The following SIPA1L3 variants were observed in gnomAD, a reference collection of about 807,000 sequenced individuals.
The protein encoded by SIPA1L3 is signal-induced proliferation-associated 1-like protein 3.
SIPA1L3 carries 59 observed loss-of-function variants against 150.1 expected under a neutral mutation model. That is an observed-to-expected ratio of 0.39 (90% CI 0.32 to 0.49). The LOEUF (loss-of-function observed/expected upper bound fraction) is 0.49, where lower values mean the gene tolerates loss of function less well. Among genes scored for constraint, SIPA1L3 ranks in the 20% least tolerant of loss-of-function variants. SIPA1L3 has a pLI of 0.86. For missense variants in SIPA1L3, 2,211 were observed against 2,489.5 expected (o/e 0.89, Z 2.38); for synonymous variants, 1,070 against 1,077.6 (o/e 0.99, Z 0.14).
chr19:38,162,211 G>A, intron 13 of SIPA1L3, 42 bp from the exon 14 acceptor site: 1 of 1,527,252 alleles, frequency 6.5e-7, no homozygotes, highest in South Asian at 1.1e-5. Context: ...GCCCTGGCCT[G>A]AGTCACTCCT....
At chr19:37,944,882 G>A (rs189042755) in intron 1 of SIPA1L3, among the ~76,000 whole-genome samples, 2 of 152,154 alleles carry the variant, frequency 1.3e-5, no homozygotes, top group East Asian at 1.9e-4. Context: ...CCCTGGAGGC[G>A]GAGGTTGGAG....
At chr19:38,178,086 G>GGGGTGTGT (rs1555794899) in intron 15 of SIPA1L3, among the ~76,000 whole-genome samples, 1 of 130,950 alleles carries the variant, frequency 7.6e-6, no homozygotes, top group Non-Finnish European at 1.6e-5. Flanking sequence ...GCAGGCTTTT[G>GGGGTGTGT]GTGTGTGTGT....
chr19:38,193,512 C>T (rs753183753), intron 17 of SIPA1L3, 25 bp from the exon 18 acceptor site: 34 of 1,438,816 alleles, frequency 2.4e-5, no homozygotes, highest in Non-Finnish European at 3.1e-5. Flanking sequence ...GTGACCTCCC[C>T]CAACATCCCA....
At chr19:37,940,659 C>T (rs1476757040) in intron 1 of SIPA1L3, among the ~76,000 whole-genome samples, 1 of 152,160 alleles carries the variant, frequency 6.6e-6, no homozygotes, top group East Asian at 1.9e-4. Context: ...CAGCTCACTG[C>T]AACCTCCGTC....
In SIPA1L3 at chr19:38,206,636, C is replaced by A. The variant is rs570443130; in HGVS notation, c.*396C>A. 1 of 169,372 alleles carries A rather than the reference C, an allele frequency of 5.9e-6. No individual in the cohort carries two copies. Among genetic ancestry groups the A allele is most frequent in the South Asian group, 1.8e-4 (1 of 5,526 alleles). The allele number at this position is 169,372 out of a possible 1,614,324, so 10.5% of individuals were successfully genotyped here. ...CAGGAGGTCACACAGCAGGTTTCTG[C>A]ACCACGCACAACAAAGTTGCGGCTT... On this transcript the variant is annotated 3_prime_UTR_variant, in exon 22 of 22. Transcript: ENST00000222345.
At chr19:38,111,206 T>C (rs1299197391) in intron 8 of SIPA1L3, among the ~76,000 whole-genome samples, 2 of 151,832 alleles carry the variant, frequency 1.3e-5, no homozygotes, top group African/African-American at 4.8e-5. Context: ...AAAAAAATTT[T>C]TTTTTAGTAG....
intron 9 of SIPA1L3, among the ~76,000 whole-genome samples, chr19:38,128,911 A>G (rs890333601): frequency 1.3e-5 from 2 of 152,022 alleles, no homozygotes; most frequent in Non-Finnish European, 2.9e-5. Flanking sequence ...AAAAAAATTT[A>G]TTCCTTTCTT....
chr19:38,116,562 A>C (rs1970888723), intron 8 of SIPA1L3, among the ~76,000 whole-genome samples: 1 of 151,170 alleles, frequency 6.6e-6, no homozygotes, highest in Admixed American at 6.6e-5. Context: ...AAAGAAAAAG[A>C]ACAGGCTGGG....
intron 13 of SIPA1L3, among the ~76,000 whole-genome samples, chr19:38,153,595 G>T (rs1971875766): frequency 3.3e-5 from 5 of 151,500 alleles, no homozygotes; most frequent in Admixed American, 3.3e-4. Context: ...ACTTGAACCT[G>T]GGAGGCAGAG....
At chr19:38,080,050 T>A (rs1183435520) in intron 2 of SIPA1L3, among the ~76,000 whole-genome samples, 1 of 150,968 alleles carries the variant, frequency 6.6e-6, no homozygotes, top group Non-Finnish European at 1.5e-5. Context: ...GGGGAAGGAG[T>A]TTGGATGGTG....
At chr19:37,939,791 A>C (rs2046636493) in intron 1 of SIPA1L3, among the ~76,000 whole-genome samples, 1 of 152,228 alleles carries the variant, frequency 6.6e-6, no homozygotes, top group Non-Finnish European at 1.5e-5. Flanking sequence ...TAAAATTTAG[A>C]TTTGATTGCT....
chr19:38,062,442 G>A (rs1339254269), intron 2 of SIPA1L3, among the ~76,000 whole-genome samples: 3 of 152,182 alleles, frequency 2.0e-5, no homozygotes, highest in African/African-American at 7.2e-5. Flanking sequence ...GGGGAGAACA[G>A]TAGGGCCTTC....
At chr19:38,092,197 C>CAT (rs1970275562) in intron 4 of SIPA1L3, among the ~76,000 whole-genome samples, 1 of 151,918 alleles carries the variant, frequency 6.6e-6, no homozygotes. Context: ...GCCTAGGCAC[C>CAT]ATAGTGATAC....
chr19:38,032,172 C>T (rs1422478456), intron 2 of SIPA1L3, among the ~76,000 whole-genome samples: 2 of 152,192 alleles, frequency 1.3e-5, no homozygotes, highest in Non-Finnish European at 2.9e-5. Context: ...TAAGGAAGAC[C>T]TGTCCCTTCC....
intron 1 of SIPA1L3, among the ~76,000 whole-genome samples, chr19:38,007,359 A>T: frequency 6.6e-6 from 1 of 151,712 alleles, no homozygotes; most frequent in South Asian, 2.1e-4. Flanking sequence ...AGGCTGAGGC[A>T]GGAGAATGGC....
chr19:38,007,506 C>G (rs2145673265), intron 1 of SIPA1L3, among the ~76,000 whole-genome samples: 1 of 151,032 alleles, frequency 6.6e-6, no homozygotes, highest in South Asian at 2.1e-4. Context: ...TTGTAATTGC[C>G]CGGGGGAGGG....
At chr19:37,942,502 G>T (rs561221483) in intron 1 of SIPA1L3, among the ~76,000 whole-genome samples, 1 of 141,966 alleles carries the variant, frequency 7.0e-6, no homozygotes, top group South Asian at 2.4e-4. Flanking sequence ...TGAGTTTGAC[G>T]TGTGAAGGAG....
chr19:37,926,351 G>A (rs991051651), intron 1 of SIPA1L3, among the ~76,000 whole-genome samples: 7 of 152,128 alleles, frequency 4.6e-5, no homozygotes, highest in African/African-American at 1.2e-4. Context: ...CCTTTTCCAC[G>A]GGGACCTCAC....
intron 6 of SIPA1L3, among the ~76,000 whole-genome samples, chr19:38,104,267 A>G (rs949303590): frequency 2.0e-5 from 3 of 152,240 alleles, no homozygotes; most frequent in Admixed American, 2.0e-4. Context: ...AGGAGGCTGT[A>G]GGAGGAACGA....
Sources: gnomAD v4.1 joint callset for allele counts (sites outside exome capture counted in the v4.1 genomes callset) on GRCh38, gnomAD v4.1.1 for gene constraint, MANE v1.5 for transcripts, NCBI Gene and HGNC (gene_info 2026-07-23, HGNC 2026-07-21) for gene names.